The following NEGR1 variants were observed in gnomAD, a reference collection of about 807,000 sequenced individuals.
The protein encoded by NEGR1 is neuronal growth regulator 1, also known as IgLON family member 4.
Under a neutral mutation model 40.9 loss-of-function variants are expected in NEGR1, and 10 were observed. The observed-to-expected ratio is 0.24, with a 90% CI of 0.15 to 0.42. The LOEUF is 0.42. Among genes scored for constraint, NEGR1 ranks in the 10% least tolerant of loss-of-function variants. The pLI, the probability that NEGR1 is intolerant of heterozygous loss-of-function variation, is 1.00. For missense variants in NEGR1, 352 were observed against 438.9 expected (o/e 0.80, Z 1.77); for synonymous variants, 185 against 166.8 (o/e 1.11, Z -0.84).
At chr1:71,535,178 G>A (rs904373203) in intron 6 of NEGR1, among the ~76,000 whole-genome samples, 45 of 151,712 alleles carry the variant, frequency 3.0e-4, no homozygotes, top group African/African-American at 1.1e-3. Context: ...TTATTGATGG[G>A]AAAACTAAAT....
intron 2 of NEGR1, among the ~76,000 whole-genome samples, chr1:71,806,178 T>C (rs1657764539): frequency 6.6e-6 from 1 of 152,196 alleles, no homozygotes; most frequent in South Asian, 2.1e-4. Flanking sequence ...ACCTTTTTAA[T>C]CAACTGTTGA....
intron 6 of NEGR1, among the ~76,000 whole-genome samples, chr1:71,462,042 T>C (rs72932495): frequency 0.077 from 11,747 of 152,266 alleles, 483 homozygotes; most frequent in East Asian, 0.11. Context: ...TACATGTATT[T>C]AGATAAATTA....
chr1:72,012,443 G>A (rs1948061), intron 1 of NEGR1, among the ~76,000 whole-genome samples: 51,305 of 151,778 alleles, frequency 0.34, 10,418 homozygotes, highest in African/African-American at 0.57. Flanking sequence ...TCTGTTATTG[G>A]TGCCAAAGTG....
intron 6 of NEGR1, 71 bp from the exon 7 acceptor site, chr1:71,407,641 G>T: frequency 6.7e-7 from 1 of 1,483,152 alleles, no homozygotes. Context: ...ATAATCAAAA[G>T]GTAGCCAGGT....
Position 71,412,189 on chromosome 1 carries a change from G to A in NEGR1, c.941-4619C>T, listed in dbSNP as rs17091179. ...TAGTCAACTTATCCAGACTCACACC[G>A]CTTCTTCACTCTAGTCATACAAGCC... On this transcript the variant is annotated intron_variant, in intron 6 of 6. Coordinates refer to ENST00000357731, the MANE Select transcript of NEGR1 (RefSeq NM_173808.3). 1.8e-3 allele frequency among the ~76,000 whole-genome samples: 271 copies of A among 152,092 alleles called. 8 individuals carry two copies. The East Asian group carries it at 0.045, about 25-fold the overall frequency.
chr1:72,022,147 A>T (rs1010273088), intron 1 of NEGR1, among the ~76,000 whole-genome samples: 2 of 151,690 alleles, frequency 1.3e-5, no homozygotes, highest in African/African-American at 4.8e-5. Context: ...AAAAATAAAA[A>T]TAAAAAAGAA....
intron 2 of NEGR1, among the ~76,000 whole-genome samples, chr1:71,869,368 AAATG>A (rs1192955802): frequency 1.3e-5 from 2 of 152,324 alleles, no homozygotes; most frequent in East Asian, 3.9e-4. Flanking sequence ...ATGAAAAAAT[AAATG>A]AATAATTGTG....
chr1:72,055,501 C>A (rs1013156265), intron 1 of NEGR1, among the ~76,000 whole-genome samples: 6 of 150,970 alleles, frequency 4.0e-5, no homozygotes, highest in Non-Finnish European at 8.9e-5. Flanking sequence ...ATTGTTTTAA[C>A]TTCATTAACA....
intron 3 of NEGR1, among the ~76,000 whole-genome samples, chr1:71,712,612 A>T (rs1024123609): frequency 1.3e-5 from 2 of 152,182 alleles, no homozygotes; most frequent in Admixed American, 6.5e-5. Flanking sequence ...TAATATTCAT[A>T]AAAAATTATG....
At chr1:71,531,081 G>T (rs1354054274) in intron 6 of NEGR1, among the ~76,000 whole-genome samples, 1 of 151,204 alleles carries the variant, frequency 6.6e-6, no homozygotes, top group Non-Finnish European at 1.5e-5. Flanking sequence ...GTATAGAGTG[G>T]TTAAGTAACC....
intron 1 of NEGR1, among the ~76,000 whole-genome samples, chr1:71,984,390 G>T (rs1195089610): frequency 3.3e-5 from 5 of 152,082 alleles, no homozygotes; most frequent in Non-Finnish European, 2.9e-5. Context: ...CCCCCAAAGT[G>T]CTGGGATTAC....
intron 5 of NEGR1, among the ~76,000 whole-genome samples, chr1:71,607,059 ATTAT>A (rs1265244661): frequency 1.3e-5 from 2 of 152,204 alleles, no homozygotes; most frequent in Admixed American, 6.5e-5. Flanking sequence ...GTTATTTCTG[ATTAT>A]TTATGTGAGC....
intron 6 of NEGR1, among the ~76,000 whole-genome samples, chr1:71,570,043 C>T (rs896728411): frequency 1.3e-5 from 2 of 152,092 alleles, no homozygotes; most frequent in African/African-American, 4.8e-5. Flanking sequence ...TTCTTGATGC[C>T]TATTTCCTTA....
intron 2 of NEGR1, among the ~76,000 whole-genome samples, chr1:71,861,386 T>C (rs1456831473): frequency 6.6e-6 from 1 of 152,054 alleles, no homozygotes; most frequent in Non-Finnish European, 1.5e-5. Flanking sequence ...ACTTCTGTAC[T>C]TTTTCCCTAG....
At chr1:72,218,886 A>G (rs1259513584) in intron 1 of NEGR1, among the ~76,000 whole-genome samples, 2 of 152,090 alleles carry the variant, frequency 1.3e-5, no homozygotes, top group African/African-American at 2.4e-5. Flanking sequence ...TACCACAAAA[A>G]GAAAAGGTTG....
chr1:71,662,030 T>C (rs1304779962), intron 4 of NEGR1, among the ~76,000 whole-genome samples: 2 of 152,224 alleles, frequency 1.3e-5, no homozygotes, highest in Non-Finnish European at 2.9e-5. Context: ...GTTAGCACCA[T>C]GTCTGGCACA....
chr1:71,806,495 C>G (rs922019808), intron 2 of NEGR1, among the ~76,000 whole-genome samples: 3 of 149,056 alleles, frequency 2.0e-5, no homozygotes, highest in Non-Finnish European at 4.4e-5. Context: ...TCCTCCTACC[C>G]ACTATTGTAA....
At chr1:71,862,293 C>T (rs1312667914) in intron 2 of NEGR1, among the ~76,000 whole-genome samples, 1 of 152,030 alleles carries the variant, frequency 6.6e-6, no homozygotes, top group African/African-American at 2.4e-5. Flanking sequence ...TTTCTGACCC[C>T]ATAGCTGACA....
intron 6 of NEGR1, among the ~76,000 whole-genome samples, chr1:71,584,658 A>C (rs1649244043): frequency 6.6e-6 from 1 of 152,148 alleles, no homozygotes; most frequent in Non-Finnish European, 1.5e-5. Flanking sequence ...TCAAAATTAC[A>C]GGGAACACAG....
Sources: allele counts gnomAD v4.1 joint callset (sites outside exome capture counted in the v4.1 genomes callset), GRCh38; gene constraint gnomAD v4.1.1; transcripts MANE v1.5; gene names NCBI Gene and HGNC (gene_info 2026-07-23, HGNC 2026-07-21).